CAMTA1: variants seen among roughly 807,000 people sequenced by gnomAD.
CAMTA1 encodes calmodulin-binding transcription activator 1.
CAMTA1 carries 27 observed loss-of-function variants against 170.9 expected under a neutral mutation model. That is an observed-to-expected ratio of 0.16 (90% CI 0.12 to 0.22). The LOEUF (loss-of-function observed/expected upper bound fraction) is 0.22, where lower values mean the gene tolerates loss of function less well. CAMTA1 is among the 10% of genes least tolerant of loss of function. The pLI is 1.00. For missense variants in CAMTA1, 1,619 were observed against 2,217.2 expected, an observed-to-expected ratio of 0.73 and a Z score of 5.42; for synonymous variants, 833 against 891.5, an observed-to-expected ratio of 0.93 and a Z score of 1.17.
chr1:7,560,398 C>G (rs1327530575), intron 6 of CAMTA1, among the ~76,000 whole-genome samples: 3 of 152,248 alleles, frequency 2.0e-5, no homozygotes, highest in Non-Finnish European at 4.4e-5. Flanking sequence ...TAACAGGTCT[C>G]TGCGGCAGCA....
chr1:7,645,337 C>T (rs17031230), intron 7 of CAMTA1, among the ~76,000 whole-genome samples: 11,865 of 152,294 alleles, frequency 0.078, 1,224 homozygotes, highest in African/African-American at 0.23. Context: ...ACCGTTTCCT[C>T]GGAGAAGATC....
At chr1:7,066,712 T>C (rs1488235865) in intron 3 of CAMTA1, among the ~76,000 whole-genome samples, 2 of 152,224 alleles carry the variant, frequency 1.3e-5, no homozygotes, top group African/African-American at 4.8e-5. Flanking sequence ...GTCCTGATGC[T>C]AACAACATCT....
Position 7,641,865 on chromosome 1 carries a change from C to T in CAMTA1, c.664+1312C>T, listed in dbSNP as rs1455981722. ...GCAACCTTCTTAACTGCAGCCCTGA[C>T]CACATCCCTCTCTGCTTAAAACCAC... On this transcript the variant is annotated intron_variant, in intron 7 of 22. Transcript: ENST00000303635. This position sits in a 1 kb window ranked among gnomAD's most constrained non-coding sequence, Gnocchi z 4.5. Among the ~76,000 whole-genome samples the T allele has an allele frequency of 6.6e-6, 1 of 152,134 alleles. No homozygotes were observed. The highest frequency in any genetic ancestry group is 2.4e-5 in the African/African-American group (1 of 41,426).
intron 3 of CAMTA1, among the ~76,000 whole-genome samples, chr1:6,884,909 G>A (rs966219591): frequency 2.6e-5 from 4 of 152,006 alleles, no homozygotes; most frequent in East Asian, 1.9e-4. Flanking sequence ...TCTCCTTCCC[G>A]CACCATTGTA....
At chr1:7,256,429 G>A (rs1558316025) in intron 5 of CAMTA1, among the ~76,000 whole-genome samples, 1 of 152,070 alleles carries the variant, frequency 6.6e-6, no homozygotes, top group Admixed American at 6.5e-5. Context: ...GCATGGTGGC[G>A]GGCACCTATA....
intron 5 of CAMTA1, among the ~76,000 whole-genome samples, chr1:7,264,750 G>A (rs887001033): frequency 6.6e-6 from 1 of 152,134 alleles, no homozygotes; most frequent in Non-Finnish European, 1.5e-5. Context: ...TTTGGCTTAT[G>A]GATCTGAAAG....
At position 7,463,706 on chromosome 1, in the gene CAMTA1, C is replaced by T. The variant is rs753767210; in HGVS notation, c.439-4124C>T. 3.9e-5 allele frequency among the ~76,000 whole-genome samples: 6 copies of T among 152,148 alleles called. No homozygotes were observed. Among genetic ancestry groups the T allele is most frequent in the Non-Finnish European group, 8.8e-5 (6 of 68,028 alleles). On this transcript the variant is annotated intron_variant, in intron 5 of 22. Coordinates refer to ENST00000303635, the MANE Select transcript of CAMTA1 (RefSeq NM_015215.4). The surrounding 1 kb of genome is among the most constrained non-coding windows in gnomAD (Gnocchi z 4.7). ...AGTAGGTGGGGGCAGAAATCTGCTGCGTCAGATGAGGCCGTAGAGAGCTGG... is the reference window on the plus strand; with the variant it reads ...AGTAGGTGGGGGCAGAAATCTGCTGTGTCAGATGAGGCCGTAGAGAGCTGG...
chr1:7,644,716 T>C (rs1373888038), intron 7 of CAMTA1, among the ~76,000 whole-genome samples: 2 of 152,246 alleles, frequency 1.3e-5, no homozygotes, highest in South Asian at 4.1e-4. Context: ...TCATTTCATC[T>C]CTGGTGTCGT....
chr1:7,573,367 C>T (rs1244186744), intron 6 of CAMTA1, among the ~76,000 whole-genome samples: 1 of 152,200 alleles, frequency 6.6e-6, no homozygotes, highest in African/African-American at 2.4e-5. Flanking sequence ...TGCTGGTCAG[C>T]CTGAGGTTTG....
At chr1:7,484,643 G>T (rs558799758) in intron 6 of CAMTA1, among the ~76,000 whole-genome samples, 1 of 152,116 alleles carries the variant, frequency 6.6e-6, no homozygotes, top group Admixed American at 6.5e-5. Context: ...TAAAAAATTA[G>T]CCAGGCATGG....
intron 3 of CAMTA1, among the ~76,000 whole-genome samples, chr1:7,013,165 G>T (rs1428535315): frequency 6.8e-6 from 1 of 147,232 alleles, no homozygotes; most frequent in Non-Finnish European, 1.5e-5. Context: ...TGGGGAAGTT[G>T]CAGACCCTTC....
At position 7,183,722 on chromosome 1, in the gene CAMTA1, C is replaced by T. The variant is rs560258252; in HGVS notation, c.303-65769C>T. Among the ~76,000 whole-genome samples the T allele has an allele frequency of 6.6e-4, 100 of 152,168 alleles. 1 individual carries two copies. The highest frequency in any genetic ancestry group is 2.2e-3 in the African/African-American group (92 of 41,516). ...ACTAGTACATGACAAAGGCAAAGAGCGGAAGAGCATCTGTGGGTGGGAGTA... is the reference window on the plus strand; with the variant it reads ...ACTAGTACATGACAAAGGCAAAGAGTGGAAGAGCATCTGTGGGTGGGAGTA... On this transcript the variant is annotated intron_variant, in intron 4 of 22. Transcript: ENST00000303635.
chr1:7,766,203 G>A (rs2097023157), intron 22 of CAMTA1, among the ~76,000 whole-genome samples: 1 of 152,000 alleles, frequency 6.6e-6, no homozygotes, highest in South Asian at 2.1e-4. Context: ...ATTAGACTTT[G>A]ATTTTGCTCT....
chr1:7,548,699 G>A (rs1456691812), intron 6 of CAMTA1, among the ~76,000 whole-genome samples: 6 of 110,082 alleles, frequency 5.5e-5, no homozygotes, highest in Non-Finnish European at 1.1e-4. Flanking sequence ...CCCCTTAGGG[G>A]TGGAGGTGCC....
In CAMTA1 at chr1:7,405,863, T is replaced by C. The variant is rs111846287; in HGVS notation, c.439-61967T>C. Among the ~76,000 whole-genome samples the C allele has an allele frequency of 3.7e-4, 56 of 152,310 alleles. 3 individuals carry two copies. The highest frequency in any genetic ancestry group is 1.3e-3 in the African/African-American group (52 of 41,564). ...AAAGAGTAACTAACTAGGTGCTGGC[T>C]GAGGACAGCACCTCCCCAGCTGTTG... is the stretch of plus-strand genomic sequence containing the variant. On this transcript the variant is annotated intron_variant, in intron 5 of 22. Transcript: ENST00000303635.
At chr1:7,158,262 A>G (rs1647011227) in intron 4 of CAMTA1, among the ~76,000 whole-genome samples, 1 of 152,220 alleles carries the variant, frequency 6.6e-6, no homozygotes, top group South Asian at 2.1e-4. Flanking sequence ...AGTACATGTT[A>G]TATGTTTCAT....
intron 6 of CAMTA1, among the ~76,000 whole-genome samples, chr1:7,471,388 C>T (rs2093327512): frequency 6.6e-6 from 1 of 152,222 alleles, no homozygotes. Flanking sequence ...GTCACCAGGA[C>T]AGCTGGGGAG....
rs1234041734 is a variant in CAMTA1, at chr1:6,971,923, A to G, written c.235-119381A>G. ...TGGCCTGGAGAGAGGAGAGGAGAGC[A>G]TCGCGGGCAGGTGCTGAGGGTTGGC... On this transcript the variant is annotated intron_variant, in intron 3 of 22. Transcript: ENST00000303635. This position sits in a 1 kb window ranked among gnomAD's most constrained non-coding sequence, Gnocchi z 4.6. Among the ~76,000 whole-genome samples, 1 of 152,216 alleles carries G rather than the reference A, an allele frequency of 6.6e-6. No homozygotes were observed. Among genetic ancestry groups the G allele is most frequent in the East Asian group, 1.9e-4 (1 of 5,200 alleles).
intron 3 of CAMTA1, among the ~76,000 whole-genome samples, chr1:7,021,212 G>A (rs994691951): frequency 8.5e-5 from 13 of 152,242 alleles, no homozygotes; most frequent in Admixed American, 5.2e-4. Flanking sequence ...GAACGTGGCC[G>A]TGATGAATTG....
Sources: gnomAD v4.1 joint callset for allele counts (sites outside exome capture counted in the v4.1 genomes callset) on GRCh38, gnomAD v4.1.1 for gene constraint, Gnocchi (gnomAD v3.1) non-coding constraint, MANE v1.5 for transcripts, NCBI Gene and HGNC (gene_info 2026-07-23, HGNC 2026-07-21) for gene names.